Variants in SH3TC2 observed in about 807,000 individuals in gnomAD.
The protein encoded by SH3TC2 is SH3 domain and tetratricopeptide repeats 2.
A neutral mutation model predicts 124.5 loss-of-function variants in SH3TC2; 87 were observed. The observed-to-expected ratio is 0.70, with a 90% CI of 0.59 to 0.84. The LOEUF is 0.84. SH3TC2 is among the 40% of genes least tolerant of loss of function. The pLI, the probability that SH3TC2 is intolerant of heterozygous loss-of-function variation, is 0.00. For missense variants in SH3TC2, 1,536 were observed against 1,566.4 expected (o/e 0.98, Z 0.33); for synonymous variants, 634 against 628.5 (o/e 1.01, Z -0.13).
In SH3TC2 at chr5:148,994,099, G is replaced by A. The variant is rs559872346; in HGVS notation, c.*10612C>T. Among the ~76,000 whole-genome samples, 1 of 152,286 alleles carries A rather than the reference G, an allele frequency of 6.6e-6. No individual in the cohort carries two copies. The highest frequency in any genetic ancestry group is 1.5e-5 in the Non-Finnish European group (1 of 68,040). ...AGTCTACTACCATGCATCCCAGACAGGATGTTCAGGTGAACAAGATCTATC... is the reference window on the plus strand; with the variant it reads ...AGTCTACTACCATGCATCCCAGACAAGATGTTCAGGTGAACAAGATCTATC... On this transcript the variant is annotated 3_prime_UTR_variant, in exon 17 of 17. Coordinates refer to ENST00000515425, the MANE Select transcript of SH3TC2 (RefSeq NM_024577.4).
chr5:149,023,325 A>C (rs1444294239), intron 12 of SH3TC2, among the ~76,000 whole-genome samples: 10 of 152,222 alleles, frequency 6.6e-5, no homozygotes, highest in Admixed American at 6.5e-4. Flanking sequence ...GAGAAAAGCA[A>C]AGAACAGAAC....
In SH3TC2 at chr5:148,989,645, T is replaced by G. The variant is rs1415305545; in HGVS notation, c.*15066A>C. Among the ~76,000 whole-genome samples the G allele has an allele frequency of 6.6e-6, 1 of 152,234 alleles. No homozygotes were observed. Among genetic ancestry groups the G allele is most frequent in the Admixed American group, 6.5e-5 (1 of 15,284 alleles). On this transcript the variant is annotated 3_prime_UTR_variant, in exon 17 of 17. Coordinates refer to ENST00000515425, the MANE Select transcript of SH3TC2 (RefSeq NM_024577.4). ...TGCAGATGTTGGTACAATTCTGTAT[T>G]GTCCGGTTTGCACTGATAATAAAAC...
intron 7 of SH3TC2, among the ~76,000 whole-genome samples, chr5:149,039,249 C>T (rs1232675448): frequency 6.6e-6 from 1 of 152,214 alleles, no homozygotes; most frequent in African/African-American, 2.4e-5. Flanking sequence ...TTTGCACTCA[C>T]TTTCTCAGGT....
chr5:149,062,274 G>A (rs1192571645), intron 1 of SH3TC2: 1 of 510,810 alleles, frequency 2.0e-6, no homozygotes, highest in Non-Finnish European at 4.0e-6. Flanking sequence ...AGAGAACACA[G>A]GGCCCTACCT....
intron 14 of SH3TC2, 142 bp downstream of exon 14, chr5:149,010,128 A>G: frequency 9.0e-7 from 1 of 1,106,996 alleles, no homozygotes. Flanking sequence ...AGAGAGAGTG[A>G]GTAGGTGGGC....
intron 8 of SH3TC2, among the ~76,000 whole-genome samples, chr5:149,034,929 A>G (rs1167972754): frequency 1.3e-5 from 2 of 152,204 alleles, no homozygotes; most frequent in Admixed American, 1.3e-4. Context: ...CTAAATTATA[A>G]TTCAAGAGTA....
chr5:149,052,073 G>T lies in SH3TC2; in HGVS notation c.151+69C>A, dbSNP rs766483542. ...GGAAAGAGGGAGGGGCTCTTTAGAT[G>T]GGAAAGATAAAGAGGTTATCGCAAT... On this transcript the variant is annotated intron_variant, in intron 2 of 16. Transcript: ENST00000515425. 4.5e-5 allele frequency: 49 copies of T among 1,101,016 alleles called. No homozygotes were observed. In the Admixed American group the frequency reaches 7.9e-4, roughly 18 times the overall value. 68.2% of individuals were successfully genotyped at this position (1,101,016 alleles called of 1,614,324 possible).
In SH3TC2 at chr5:149,003,761, G is replaced by A; in HGVS notation, c.*950C>T. The A allele has an allele frequency of 2.2e-6, 1 of 448,650 alleles. No individual in the cohort carries two copies. Among genetic ancestry groups the A allele is most frequent in the Non-Finnish European group, 4.5e-6 (1 of 224,256 alleles). The allele number at this position is 448,650 out of a possible 1,614,324, so 27.8% of individuals were successfully genotyped here. A position where few individuals can be genotyped will look rare whatever the true frequency, so the allele number is the denominator to read the frequency against. On this transcript the variant is annotated 3_prime_UTR_variant, in exon 17 of 17. Transcript: ENST00000515425. ...AGCTACTCAGGAGGTTGACACTGGA[G>A]GATCACTTGAGCCCCGGAGTCTGAG...
At position 148,998,026 on chromosome 5, in the gene SH3TC2, C is replaced by T. The variant is rs1753538901; in HGVS notation, c.*6685G>A. Among the ~76,000 whole-genome samples, 2 of 152,236 alleles carry T rather than the reference C, an allele frequency of 1.3e-5. No homozygotes were observed. The highest frequency in any genetic ancestry group is 4.8e-5 in the African/African-American group (2 of 41,540). ...AGCCCTCCTGCACTTTTTTAGAGAC[C>T]ACCCTCCAGGTCAGCACTTTTCAAA... On this transcript the variant is annotated 3_prime_UTR_variant, in exon 17 of 17. Coordinates refer to ENST00000515425, the MANE Select transcript of SH3TC2 (RefSeq NM_024577.4).
In SH3TC2 at chr5:149,041,631, G is replaced by T. The variant is rs1431263176; in HGVS notation, c.530-14C>A. On this transcript the variant is annotated splice_polypyrimidine_tract_variant and intron_variant, in intron 5 of 16. Coordinates refer to ENST00000515425, the MANE Select transcript of SH3TC2 (RefSeq NM_024577.4). The stretch of plus-strand genomic sequence containing the variant: ...AGAAGAAGTGGCCTGTGGATAATGA[G>T]AAAAGCAATGGCTTTCTAAGGAGTA... 6.2e-7 allele frequency: 1 copy of T among 1,613,846 alleles called. No homozygotes were observed. The highest frequency in any genetic ancestry group is 1.1e-5 in the South Asian group (1 of 91,026).
intron 15 of SH3TC2, 82 bp from the exon 16 acceptor site, chr5:149,007,159 T>C (rs776843181): frequency 1.5e-6 from 2 of 1,367,544 alleles, no homozygotes; most frequent in Non-Finnish European, 2.1e-6. Flanking sequence ...ATAAAACTTT[T>C]TGAAGGTCTA....
chr5:149,011,442 C>A (rs1352355176), intron 13 of SH3TC2, among the ~76,000 whole-genome samples: 1 of 152,174 alleles, frequency 6.6e-6, no homozygotes, highest in Non-Finnish European at 1.5e-5. Context: ...CCTTTCAGCC[C>A]AAAAATCGCA....
chr5:149,047,745 A>C, intron 3 of SH3TC2, 117 bp downstream of exon 3: 2 of 1,263,746 alleles, frequency 1.6e-6, no homozygotes, highest in Non-Finnish European at 2.3e-6. Context: ...CAGTCTACCT[A>C]TTAGATGTTT....
In SH3TC2 at chr5:149,004,753, T is replaced by C. The variant is rs368795525; in HGVS notation, c.3825A>G (p.Ser1275=). The change falls in exon 17 of 17, where the codon TCA becomes TCG. Residue 1275 remains serine (S), a synonymous_variant. Coordinates refer to ENST00000515425, the MANE Select transcript of SH3TC2 (RefSeq NM_024577.4). ...CACCACTCAGCCACCGCGCCCTCTC[T>C]GAGGAGCACCCGGAGGGCCTGCTGT... ...LWHSRPSGCS[S]ERARWLSGGG... 1 of 1,613,848 alleles carries C rather than the reference T, an allele frequency of 6.2e-7. No homozygotes were observed. Among genetic ancestry groups the C allele is most frequent in the African/African-American group, 1.3e-5 (1 of 74,918 alleles).
chr5:148,984,369 T>C lies in SH3TC2; in HGVS notation c.*20342A>G, dbSNP rs1367811995. 6.6e-6 allele frequency among the ~76,000 whole-genome samples: 1 copy of C among 152,066 alleles called. No homozygotes were observed. Among genetic ancestry groups the C allele is most frequent in the Non-Finnish European group, 1.5e-5 (1 of 68,020 alleles). On this transcript the variant is annotated 3_prime_UTR_variant, in exon 17 of 17. Transcript: ENST00000515425. ...ATTATACATTATAAATATATACAAT[T>C]ATTATTTATCAATTAAAAATACATT...
In SH3TC2 at chr5:148,992,909, A is replaced by G. The variant is rs1246158784; in HGVS notation, c.*11802T>C. Among the ~76,000 whole-genome samples the G allele has an allele frequency of 6.6e-6, 1 of 152,194 alleles. No homozygotes were observed. The highest frequency in any genetic ancestry group is 1.5e-5 in the Non-Finnish European group (1 of 68,034). On this transcript the variant is annotated 3_prime_UTR_variant, in exon 17 of 17. Transcript: ENST00000515425. ...CTTGGAAAATCATCATGCTTCACATATATCATTGACTTTAACTTTGGTCCT... is the reference window on the plus strand; with the variant it reads ...CTTGGAAAATCATCATGCTTCACATGTATCATTGACTTTAACTTTGGTCCT...
At chr5:149,052,367 T>C (rs1051042510) in intron 1 of SH3TC2, 127 bp from the exon 2 acceptor site, 7 of 721,454 alleles carry the variant, frequency 9.7e-6, no homozygotes, top group African/African-American at 3.5e-5. Flanking sequence ...AGAATTCTAA[T>C]TGTTATCACC....
rs572251738 is a variant in SH3TC2 at position 148,992,372 on chromosome 5, C to T, written c.*12339G>A. Among the ~76,000 whole-genome samples the T allele has an allele frequency of 1.4e-4, 22 of 152,168 alleles. No individual in the cohort carries two copies. Among genetic ancestry groups the T allele is most frequent in the African/African-American group, 4.8e-4 (20 of 41,442 alleles). On this transcript the variant is annotated 3_prime_UTR_variant, in exon 17 of 17. Transcript: ENST00000515425. The stretch of plus-strand genomic sequence containing the variant: ...CCAGATCCTGCTTTTCTGGATGTCT[C>T]CATTTTTATCCATAAGCAGTATGTA...
intron 8 of SH3TC2, 96 bp downstream of exon 8, chr5:149,038,199 G>T: frequency 1.7e-6 from 2 of 1,184,854 alleles, no homozygotes; most frequent in Non-Finnish European, 1.2e-6. Flanking sequence ...TGTCACCAGG[G>T]CACCCTCGAA....
Sources: allele counts gnomAD v4.1 joint callset (sites outside exome capture counted in the v4.1 genomes callset), GRCh38; gene constraint gnomAD v4.1.1; transcripts MANE v1.5; gene names NCBI Gene and HGNC (gene_info 2026-07-23, HGNC 2026-07-21).